GNAS: variants seen among roughly 807,000 people sequenced by gnomAD.
The protein encoded by GNAS is protein ALEX.
Under a neutral mutation model 54.5 loss-of-function variants are expected in GNAS, and 8 were observed. That is an observed-to-expected ratio of 0.15 (90% CI 0.09 to 0.26). The LOEUF is 0.26. Ranked by LOEUF, GNAS falls within the 10% of genes least tolerant of loss-of-function variation. GNAS has a pLI of 1.00. For missense variants in GNAS, 170 were observed against 529.8 expected, an observed-to-expected ratio of 0.32 and a Z score of 6.67; for synonymous variants, 204 against 191.4, an observed-to-expected ratio of 1.07 and a Z score of -0.54.
chr20:58,854,752 C>G, intron 1 of GNAS: 1 of 1,545,458 alleles, frequency 6.5e-7, no homozygotes, highest in South Asian at 1.2e-5. Flanking sequence ...GACGCAGGGG[C>G]TCCCACTGCC....
upstream of GNAS, chr20:58,891,228 T>TCCCGCCCTCCCAGCCGCCGCCG (rs2089233376): frequency 6.9e-6 from 1 of 145,202 alleles, no homozygotes; most frequent in Non-Finnish European, 1.5e-5. Flanking sequence ...CTCCGCCGGC[T>TCCCGCCCTCCCAGCCGCCGCCG]CCCGCCCTCC....
At chr20:58,880,483 T>A (rs1272756367) in intron 1 of GNAS, among the ~76,000 whole-genome samples, 1 of 152,178 alleles carries the variant, frequency 6.6e-6, no homozygotes, top group Non-Finnish European at 1.5e-5. Context: ...GATTTATTAG[T>A]GGCCCCATTA....
At chr20:58,867,239 A>G (rs931255968) in intron 1 of GNAS, among the ~76,000 whole-genome samples, 43 of 152,348 alleles carry the variant, frequency 2.8e-4, no homozygotes, top group Non-Finnish European at 5.7e-4. Flanking sequence ...GAAAATTTTT[A>G]AAAGTTGGAT....
In GNAS at chr20:58,905,363, TTTC is replaced by T; in HGVS notation, c.433-17_433-15del. The T allele has an allele frequency of 1.4e-6, 2 of 1,412,412 alleles. No homozygotes were observed. The highest frequency in any genetic ancestry group is 2.0e-6 in the Non-Finnish European group (2 of 995,786). The allele number at this position is 1,412,412 out of a possible 1,614,324, so 87.5% of individuals were successfully genotyped here. A position where few individuals can be genotyped will look rare whatever the true frequency, so the allele number is the denominator to read the frequency against. On this transcript the variant is annotated splice_polypyrimidine_tract_variant and intron_variant, in intron 5 of 12. Transcript: ENST00000371085. ...TTCAAGCTCTTGCCTTTCTCTAAAC[TTTC>T]TTGTGTTCACTTTCAGGAATTCTAT...
chr20:58,900,095 T>C, intron 3 of GNAS: 1 of 582,630 alleles, frequency 1.7e-6, no homozygotes, highest in South Asian at 2.1e-5. Context: ...ATGGGGCCCC[T>C]GCTACCTGAC....
At chr20:58,852,771 C>G (rs1033236470) in intron 1 of GNAS, 2 of 221,954 alleles carry the variant, frequency 9.0e-6, no homozygotes, top group South Asian at 3.6e-4. Context: ...CCCTGCGAGG[C>G]CTGCGCTCAC....
intron 2 of GNAS, among the ~76,000 whole-genome samples, chr20:58,896,510 C>G (rs776987817): frequency 6.6e-6 from 1 of 152,032 alleles, no homozygotes; most frequent in East Asian, 1.9e-4. Flanking sequence ...TTAGGAAGCC[C>G]TGCCTGGCAT....
chr20:58,880,933 G>T (rs1381459728), intron 1 of GNAS, among the ~76,000 whole-genome samples: 1 of 152,146 alleles, frequency 6.6e-6, no homozygotes, highest in Non-Finnish European at 1.5e-5. Context: ...GTTATGCCAA[G>T]TTGTGGAAAA....
intron 1 of GNAS, chr20:58,864,148 A>G (rs910096810): frequency 6.6e-6 from 1 of 152,202 alleles, no homozygotes; most frequent in African/African-American, 2.4e-5. Context: ...CCTGTCAAGA[A>G]TAGATAGTGT....
chr20:58,855,743 G>T, intron 1 of GNAS: 1 of 621,362 alleles, frequency 1.6e-6, no homozygotes. Flanking sequence ...GGGAAGGCGC[G>T]CCCCGCCTCG....
At chr20:58,861,373 G>A (rs2086774394) in intron 1 of GNAS, among the ~76,000 whole-genome samples, 1 of 152,192 alleles carries the variant, frequency 6.6e-6, no homozygotes, top group Admixed American at 6.5e-5. Context: ...GCACTGGGCA[G>A]CCTAATTGAC....
intron 3 of GNAS, 199 bp from the exon 4 acceptor site, chr20:58,903,332 C>T (rs767813943): frequency 6.9e-5 from 46 of 668,650 alleles, no homozygotes; most frequent in Admixed American, 3.1e-4. Context: ...CCCGATTGGG[C>T]GTGTCCTCAG....
chr20:58,853,187 A>G lies in GNAS; in HGVS notation c.43+12301A>G. On this transcript the variant is annotated intron_variant, in intron 1 of 12. Transcript: ENST00000306090. The surrounding 1 kb of genome is among the most constrained non-coding windows in gnomAD (Gnocchi z 4.4). ...GTACTTTGATTTTAAAATAATAATA[A>G]TAATTTTTTCACCCTAGTTCGGTTG... 2.8e-5 allele frequency: 40 copies of G among 1,450,218 alleles called. No homozygotes were observed. Among genetic ancestry groups the G allele is most frequent in the Non-Finnish European group, 3.6e-5 (40 of 1,100,492 alleles). The allele number at this position is 1,450,218 out of a possible 1,614,324, so 89.8% of individuals were successfully genotyped here. A position where few individuals can be genotyped will look rare whatever the true frequency, so the allele number is the denominator to read the frequency against.
At chr20:58,851,007 G>T in intron 1 of GNAS, 1 of 398,174 alleles carries the variant, frequency 2.5e-6, no homozygotes, top group Non-Finnish European at 4.4e-6. Flanking sequence ...CCCGGCGCTG[G>T]GGTCGGAGGG....
upstream of GNAS, chr20:58,839,879 C>T (rs2085654787): frequency 1.7e-6 from 1 of 598,606 alleles, no homozygotes; most frequent in East Asian, 2.8e-5. Context: ...CCCATCCCTT[C>T]TTCTTGCTCA....
At chr20:58,854,145 A>G (rs1395943921) in intron 1 of GNAS, 1 of 1,612,504 alleles carries the variant, frequency 6.2e-7, no homozygotes, top group Admixed American at 1.7e-5. Context: ...ACCTCCTTCT[A>G]ACTTCACGGG....
chr20:58,847,733 G>C (rs2085990261), intron 1 of GNAS, among the ~76,000 whole-genome samples: 1 of 152,152 alleles, frequency 6.6e-6, no homozygotes, highest in Admixed American at 6.5e-5. Context: ...CGTGGTTTCT[G>C]TTCCCTTCCC....
chr20:58,904,497 C>T (rs893153385), intron 5 of GNAS, among the ~76,000 whole-genome samples: 6 of 152,206 alleles, frequency 3.9e-5, no homozygotes, highest in Non-Finnish European at 7.3e-5. Flanking sequence ...CAAGCCCAAG[C>T]ATATAAGTTT....
chr20:58,876,261 T>A (rs2087808331), intron 1 of GNAS, among the ~76,000 whole-genome samples: 1 of 152,180 alleles, frequency 6.6e-6, no homozygotes, highest in African/African-American at 2.4e-5. Flanking sequence ...TGAAAGCTCC[T>A]AACACTCGAG....
Sources: gnomAD v4.1 joint callset for allele counts (sites outside exome capture counted in the v4.1 genomes callset) on GRCh38, gnomAD v4.1.1 for gene constraint, Gnocchi (gnomAD v3.1) non-coding constraint, MANE v1.5 for transcripts, NCBI Gene and HGNC (gene_info 2026-07-23, HGNC 2026-07-21) for gene names.